Variants in PCDHGB2 observed in about 807,000 individuals in gnomAD.
PCDHGB2 encodes the protein protocadherin gamma subfamily B, 2.
Under a neutral mutation model 59.3 loss-of-function variants are expected in PCDHGB2, and 55 were observed. That is an observed-to-expected ratio of 0.93 (90% CI 0.75 to 1.16). The LOEUF is 1.16. PCDHGB2 is among the 50% of genes most tolerant of loss of function. The probability of loss-of-function intolerance (pLI) is 0.00; values close to 1 mark genes in which losing one functional copy is unlikely to be tolerated. For synonymous variants in PCDHGB2, 516 were observed against 512.0 expected, an observed-to-expected ratio of 1.01 and a Z score of -0.11; for missense variants, 1,228 against 1,198.5, an observed-to-expected ratio of 1.02 and a Z score of -0.36.
At chr5:141,496,662 T>A (rs557106775) in intron 2 of PCDHGB2, among the ~76,000 whole-genome samples, 1 of 152,344 alleles carries the variant, frequency 6.6e-6, no homozygotes, top group African/African-American at 2.4e-5. Flanking sequence ...TGACCCCAGC[T>A]GTTGTCCTTC....
In PCDHGB2 at chr5:141,476,432, G is replaced by A. The variant is rs139089802; in HGVS notation, c.2422-18375G>A. 15 of 1,614,116 alleles carry A rather than the reference G, an allele frequency of 9.3e-6. No individual in the cohort carries two copies. The East Asian group carries it at 3.3e-4, about 36-fold the overall frequency. Reference sequence around the variant, plus strand: ...GTGTGGGACACTGCCCTCTTGCACTGTAACTCTGGAGTTGGTAGTGGAGAA... The same window carrying A: ...GTGTGGGACACTGCCCTCTTGCACTATAACTCTGGAGTTGGTAGTGGAGAA... On this transcript the variant is annotated intron_variant, in intron 1 of 3. Coordinates refer to ENST00000522605, the MANE Select transcript of PCDHGB2 (RefSeq NM_018923.3). The surrounding 1 kb of genome is among the most constrained non-coding windows in gnomAD (Gnocchi z 7.6).
chr5:141,414,184 G>C (rs1228749194), intron 1 of PCDHGB2: 3 of 1,609,416 alleles, frequency 1.9e-6, no homozygotes, highest in Non-Finnish European at 2.5e-6. Flanking sequence ...AACTGCAAAA[G>C]TGTTGATTAC....
At chr5:141,433,358 C>CCTAG (rs1554125965) in intron 1 of PCDHGB2, 2 of 498,106 alleles carry the variant, frequency 4.0e-6, no homozygotes, top group African/African-American at 4.2e-5. Flanking sequence ...CTACTGTCTG[C>CCTAG]CTATCTATCT....
rs759587995 is a variant in PCDHGB2, at chr5:141,491,802, G to T, written c.2422-3005G>T. On this transcript the variant is annotated intron_variant, in intron 1 of 3. Coordinates refer to ENST00000522605, the MANE Select transcript of PCDHGB2 (RefSeq NM_018923.3). The surrounding 1 kb of genome is among the most constrained non-coding windows in gnomAD (Gnocchi z 6.9). ...ACTTGCATCCACTCCTCTCCGGCCGGCTTGGTCGCTGGCTGCGCTCCACCC... is the reference window on the plus strand; with the variant it reads ...ACTTGCATCCACTCCTCTCCGGCCGTCTTGGTCGCTGGCTGCGCTCCACCC... 1 of 1,497,480 alleles carries T rather than the reference G, an allele frequency of 6.7e-7. No individual in the cohort carries two copies. Among genetic ancestry groups the T allele is most frequent in the East Asian group, 2.5e-5 (1 of 40,518 alleles). The allele number at this position is 1,497,480 out of a possible 1,614,324, so 92.8% of individuals were successfully genotyped here. A position where few individuals can be genotyped will look rare whatever the true frequency, so the allele number is the denominator to read the frequency against.
chr5:141,370,879 T>G lies in PCDHGB2; in HGVS notation c.2421+8323T>G, dbSNP rs760679770. 18 of 1,613,950 alleles carry G rather than the reference T, an allele frequency of 1.1e-5. No individual in the cohort carries two copies. The highest frequency in any genetic ancestry group is 1.4e-5 in the Non-Finnish European group (17 of 1,179,914). On this transcript the variant is annotated intron_variant, in intron 1 of 3. Coordinates refer to ENST00000522605, the MANE Select transcript of PCDHGB2 (RefSeq NM_018923.3). ...CTGGAATCTGCGCAAGATCCTGATGTAGGTGTCAATTCGCTGCAGCAGTAC... is the reference window on the plus strand; with the variant it reads ...CTGGAATCTGCGCAAGATCCTGATGGAGGTGTCAATTCGCTGCAGCAGTAC...
At chr5:141,406,989 T>C (rs1402069577) in intron 1 of PCDHGB2, among the ~76,000 whole-genome samples, 2 of 152,236 alleles carry the variant, frequency 1.3e-5, no homozygotes, top group Non-Finnish European at 2.9e-5. Context: ...TCACAAGACA[T>C]TTGAAAATAA....
chr5:141,510,448 C>T (rs1339979584), intron 3 of PCDHGB2, among the ~76,000 whole-genome samples: 1 of 152,016 alleles, frequency 6.6e-6, no homozygotes, highest in Non-Finnish European at 1.5e-5. Context: ...TCCAGGAGCC[C>T]ATGGTCTAGT....
chr5:141,363,364 A>T (rs1230836148), intron 1 of PCDHGB2, among the ~76,000 whole-genome samples: 1 of 152,174 alleles, frequency 6.6e-6, no homozygotes, highest in Non-Finnish European at 1.5e-5. Flanking sequence ...CATTTTTTTC[A>T]ATCAAGAGGT....
intron 1 of PCDHGB2, chr5:141,430,840 A>G: frequency 6.4e-7 from 1 of 1,565,876 alleles, no homozygotes; most frequent in East Asian, 2.2e-5. Flanking sequence ...GGGAGACCGG[A>G]TGCACCCAGA....
chr5:141,383,295 A>G, intron 1 of PCDHGB2: 1 of 1,613,982 alleles, frequency 6.2e-7, no homozygotes, highest in Non-Finnish European at 8.5e-7. Context: ...ACGTTCCAAG[A>G]TTCTTGACGG....
chr5:141,390,043 C>T, intron 1 of PCDHGB2: 2 of 1,614,064 alleles, frequency 1.2e-6, no homozygotes, highest in Non-Finnish European at 8.5e-7. Flanking sequence ...TCCAGCCCCG[C>T]CTCCTGGAGC....
intron 3 of PCDHGB2, among the ~76,000 whole-genome samples, chr5:141,506,012 T>C (rs2099850012): frequency 6.6e-6 from 1 of 152,208 alleles, no homozygotes; most frequent in Non-Finnish European, 1.5e-5. Context: ...CCTCTTTTGC[T>C]GCCCCTAACT....
At chr5:141,435,050 C>A (rs2154556494) in intron 1 of PCDHGB2, among the ~76,000 whole-genome samples, 1 of 151,994 alleles carries the variant, frequency 6.6e-6, no homozygotes, top group East Asian at 1.9e-4. Flanking sequence ...TCCCATTGAC[C>A]ATGCAGCAGT....
In PCDHGB2 at chr5:141,432,635, G is replaced by T. The variant is rs754354737; in HGVS notation, c.2422-62172G>T. 8.7e-6 allele frequency: 14 copies of T among 1,613,004 alleles called. No individual in the cohort carries two copies. The South Asian group carries it at 1.4e-4, about 16-fold the overall frequency. On this transcript the variant is annotated intron_variant, in intron 1 of 3. Transcript: ENST00000522605. This position sits in a 1 kb window ranked among gnomAD's most constrained non-coding sequence, Gnocchi z 6.0. ...CTCGGTGGGTCTGCACACGGGCGAGGTGCGCACGGCGCGAGCCCTGCTGGA... is the reference window on the plus strand; with the variant it reads ...CTCGGTGGGTCTGCACACGGGCGAGTTGCGCACGGCGCGAGCCCTGCTGGA...
At chr5:141,413,986 A>G (rs1464771336) in intron 1 of PCDHGB2, 1 of 1,613,554 alleles carries the variant, frequency 6.2e-7, no homozygotes, top group Admixed American at 1.7e-5. Flanking sequence ...AGTCACAGCC[A>G]CCGACAGGGA....
intron 3 of PCDHGB2, among the ~76,000 whole-genome samples, chr5:141,505,976 A>G (rs911235674): frequency 1.3e-5 from 2 of 152,136 alleles, no homozygotes; most frequent in Admixed American, 1.3e-4. Context: ...CCCAGCCGAG[A>G]GAACACCTCC....
chr5:141,409,761 T>A, intron 1 of PCDHGB2: 1 of 1,612,966 alleles, frequency 6.2e-7, no homozygotes, highest in Non-Finnish European at 8.5e-7. Context: ...CAGCGCGCCT[T>A]TGATCACGAG....
At position 141,487,547 on chromosome 5, in the gene PCDHGB2, A is replaced by G. The variant is rs2099649592; in HGVS notation, c.2422-7260A>G. On this transcript the variant is annotated intron_variant, in intron 1 of 3. Coordinates refer to ENST00000522605, the MANE Select transcript of PCDHGB2 (RefSeq NM_018923.3). The surrounding 1 kb of genome is among the most constrained non-coding windows in gnomAD (Gnocchi z 5.0). ...TAGCTTCATGATGGTGAAGTCACCC[A>G]GTGCACCTATGGCAGGGGAGCCTGT... 2 of 1,614,216 alleles carry G rather than the reference A, an allele frequency of 1.2e-6. No individual in the cohort carries two copies. Among genetic ancestry groups the G allele is most frequent in the Non-Finnish European group, 8.5e-7 (1 of 1,180,046 alleles).
At chr5:141,418,908 C>A in intron 1 of PCDHGB2, 1 of 1,613,932 alleles carries the variant, frequency 6.2e-7, no homozygotes, top group South Asian at 1.1e-5. Flanking sequence ...ATAATCATCA[C>A]GTCACTCTCT....
Sources: allele counts gnomAD v4.1 joint callset (sites outside exome capture counted in the v4.1 genomes callset), GRCh38; gene constraint gnomAD v4.1.1; non-coding constraint Gnocchi (gnomAD v3.1); transcripts MANE v1.5; gene names NCBI Gene and HGNC (gene_info 2026-07-23, HGNC 2026-07-21).